MYT1L: variants seen among roughly 807,000 people sequenced by gnomAD.
The protein encoded by MYT1L is myelin transcription factor 1 like, also known as myelin transcription factor 1-like protein.
In MYT1L, 12 loss-of-function variants were observed where a neutral mutation model predicts 126.7. The observed-to-expected ratio is 0.09, with a 90% CI of 0.06 to 0.15. The LOEUF (loss-of-function observed/expected upper bound fraction) is 0.15, where lower values mean the gene tolerates loss of function less well. MYT1L is among the 10% of genes least tolerant of loss of function. The pLI, the probability that MYT1L is intolerant of heterozygous loss-of-function variation, is 1.00. For synonymous variants in MYT1L, 541 were observed against 604.2 expected (o/e 0.90, Z 1.53); for missense variants, 979 against 1,585.2 (o/e 0.62, Z 6.49).
chr2:2,136,484 G>A (rs1229400558), intron 3 of MYT1L, among the ~76,000 whole-genome samples: 1 of 152,138 alleles, frequency 6.6e-6, no homozygotes, highest in Non-Finnish European at 1.5e-5. Context: ...ATGTAGATAT[G>A]AGAGATTATT....
chr2:2,214,475 T>G (rs114969073), intron 2 of MYT1L, among the ~76,000 whole-genome samples: 37 of 151,306 alleles, frequency 2.4e-4, no homozygotes, highest in African/African-American at 8.7e-4. Context: ...AGGCAGATAA[T>G]AGGGAAAAAA....
chr2:2,225,931 G>A (rs2149021862), intron 2 of MYT1L, among the ~76,000 whole-genome samples: 1 of 152,288 alleles, frequency 6.6e-6, no homozygotes, highest in Middle Eastern at 3.4e-3. Context: ...AGTATAAGAA[G>A]CTTGCCCCAG....
At chr2:1,955,440 A>T (rs1221588876) in intron 8 of MYT1L, among the ~76,000 whole-genome samples, 1 of 152,154 alleles carries the variant, frequency 6.6e-6, no homozygotes, top group Non-Finnish European at 1.5e-5. Flanking sequence ...TATATGTAAA[A>T]TATTATACAT....
chr2:1,896,484 C>T (rs2049587692), intron 14 of MYT1L, among the ~76,000 whole-genome samples: 2 of 152,198 alleles, frequency 1.3e-5, no homozygotes, highest in African/African-American at 2.4e-5. Flanking sequence ...TACATAGACA[C>T]TCTGTGATAC....
chr2:2,239,586 G>A (rs1572748954), intron 2 of MYT1L, among the ~76,000 whole-genome samples: 1 of 152,206 alleles, frequency 6.6e-6, no homozygotes, highest in African/African-American at 2.4e-5. Context: ...GGGTTTACAT[G>A]GGGGATAGGC....
At chr2:2,311,282 C>A (rs2095966140) in intron 1 of MYT1L, among the ~76,000 whole-genome samples, 1 of 152,224 alleles carries the variant, frequency 6.6e-6, no homozygotes, top group East Asian at 1.9e-4. Context: ...TTCCTCCAGA[C>A]CAAATCACAC....
chr2:2,281,681 A>G (rs557239410), intron 2 of MYT1L, among the ~76,000 whole-genome samples: 9 of 152,252 alleles, frequency 5.9e-5, no homozygotes, highest in Non-Finnish European at 1.0e-4. Context: ...AAATTAGCCC[A>G]TAGAACCTAG....
At chr2:2,024,454 A>G (rs1021950332) in intron 4 of MYT1L, among the ~76,000 whole-genome samples, 1 of 152,182 alleles carries the variant, frequency 6.6e-6, no homozygotes, top group African/African-American at 2.4e-5. Context: ...GGCTGACAGA[A>G]TTCACTTGAT....
chr2:2,113,026 A>T (rs971547163), intron 3 of MYT1L, among the ~76,000 whole-genome samples: 12 of 152,172 alleles, frequency 7.9e-5, no homozygotes, highest in African/African-American at 2.9e-4. Flanking sequence ...TGCTGTGGCC[A>T]CGACGAGGAG....
chr2:2,004,879 A>AGTTCTTTCCTGCATGT (rs1375608738), intron 4 of MYT1L, among the ~76,000 whole-genome samples: 2 of 64,586 alleles, frequency 3.1e-5, no homozygotes, highest in Non-Finnish European at 6.4e-5. Context: ...TTCCTGTAGG[A>AGTTCTTTCCTGCATGT]GTTCTTTCCT....
intron 3 of MYT1L, among the ~76,000 whole-genome samples, chr2:2,068,846 G>T (rs1277001636): frequency 1.4e-5 from 2 of 146,392 alleles, no homozygotes; most frequent in Admixed American, 1.4e-4. Flanking sequence ...GAAAGGGAGG[G>T]GGAGTCACAA....
intron 8 of MYT1L, among the ~76,000 whole-genome samples, chr2:1,947,840 T>C (rs935961144): frequency 2.0e-5 from 3 of 152,208 alleles, no homozygotes; most frequent in South Asian, 2.1e-4. Flanking sequence ...CAGGACAATA[T>C]TGGTATAATC....
Position 1,979,351 on chromosome 2 carries a change from G to C in MYT1L, c.90-124C>G. ...GAGAGAAATCACACAATCCAAAGGA[G>C]GGGGAAATTCGGGGAGGCTTTTTAC... On this transcript the variant is annotated intron_variant, in intron 7 of 24. Coordinates refer to ENST00000647738, the MANE Select transcript of MYT1L (RefSeq NM_001303052.2). The surrounding 1 kb of genome is among the most constrained non-coding windows in gnomAD (Gnocchi z 4.0). 9.0e-7 allele frequency: 1 copy of C among 1,113,936 alleles called. No homozygotes were observed. Among genetic ancestry groups the C allele is most frequent in the Non-Finnish European group, 1.3e-6 (1 of 747,622 alleles). 69.0% of individuals were successfully genotyped at this position (1,113,936 alleles called of 1,614,324 possible). A position where few individuals can be genotyped will look rare whatever the true frequency, so the allele number is the denominator to read the frequency against.
chr2:2,328,788 C>A (rs533351637), intron 1 of MYT1L, among the ~76,000 whole-genome samples: 343 of 152,236 alleles, frequency 2.3e-3, no homozygotes, highest in Non-Finnish European at 4.2e-3. Context: ...TAATTTTTAA[C>A]ATATTGATAT....
intron 3 of MYT1L, among the ~76,000 whole-genome samples, chr2:2,137,630 T>G (rs1217782868): frequency 6.6e-6 from 1 of 152,206 alleles, no homozygotes; most frequent in African/African-American, 2.4e-5. Context: ...GAAAACTGGC[T>G]AGCCATATGT....
chr2:2,080,042 G>T (rs1352573078), intron 3 of MYT1L, among the ~76,000 whole-genome samples: 2 of 152,164 alleles, frequency 1.3e-5, no homozygotes, highest in Non-Finnish European at 2.9e-5. Context: ...ACTGATTTTT[G>T]ACAAGGGTTT....
In MYT1L at chr2:1,793,784, C is replaced by T. The variant is rs2032769190; in HGVS notation, c.3277-1320G>A. ...TTCCATGCACGTCCTGGGTGACCTT[C>T]TCATTCGTGTTCTTTGGGGTTATTT... is the stretch of plus-strand genomic sequence containing the variant. On this transcript the variant is annotated intron_variant, in intron 23 of 24. Coordinates refer to ENST00000647738, the MANE Select transcript of MYT1L (RefSeq NM_001303052.2). The surrounding 1 kb of genome is among the most constrained non-coding windows in gnomAD (Gnocchi z 4.6). Among the ~76,000 whole-genome samples the T allele has an allele frequency of 6.6e-6, 1 of 152,172 alleles. No individual in the cohort carries two copies. The highest frequency in any genetic ancestry group is 1.5e-5 in the Non-Finnish European group (1 of 68,044).
chr2:2,328,106 GAAC>G, intron 1 of MYT1L, among the ~76,000 whole-genome samples: 1 of 152,194 alleles, frequency 6.6e-6, no homozygotes, highest in South Asian at 2.1e-4. Flanking sequence ...AAAAGCAGCT[GAAC>G]AAATAATCAG....
chr2:2,033,350 C>T (rs1288852375), intron 4 of MYT1L, among the ~76,000 whole-genome samples: 1 of 146,212 alleles, frequency 6.8e-6, no homozygotes, highest in African/African-American at 2.6e-5. Flanking sequence ...TCCTGTGGCC[C>T]AGAGCAGATT....
Sources: gnomAD v4.1 joint callset for allele counts (sites outside exome capture counted in the v4.1 genomes callset) on GRCh38, gnomAD v4.1.1 for gene constraint, Gnocchi (gnomAD v3.1) non-coding constraint, MANE v1.5 for transcripts, NCBI Gene and HGNC (gene_info 2026-07-23, HGNC 2026-07-21) for gene names.